The following SMOX variants were observed in gnomAD, a reference collection of about 807,000 sequenced individuals.
SMOX encodes the protein spermine oxidase, also known as flavin containing amine oxidase.
A neutral mutation model predicts 51.0 loss-of-function variants in SMOX; 22 were observed. That is an observed-to-expected ratio of 0.43 (90% confidence interval 0.31 to 0.62). SMOX has a LOEUF of 0.62. Ranked by LOEUF, SMOX falls within the 20% of genes least tolerant of loss-of-function variation. SMOX has a pLI of 0.10. For missense variants in SMOX, 566 were observed against 777.7 expected (o/e 0.73, Z 3.24); for synonymous variants, 282 against 307.8 (o/e 0.92, Z 0.88).
In SMOX at chr20:4,182,835, G is replaced by C. The variant is rs760026798; in HGVS notation, c.1356G>C (p.Leu452=). The C allele has an allele frequency of 1.3e-5, 21 of 1,606,476 alleles. No homozygotes were observed. Among genetic ancestry groups the C allele is most frequent in the Non-Finnish European group, 1.8e-5 (21 of 1,179,778 alleles). ...EAVAEICTEM[L]RQFTGNPNIP... ...TGGCCGAGATCTGCACGGAGATGCT[G>C]CGTCAGTTCACAGGTGCGCCACGTG... is the stretch of plus-strand genomic sequence containing the variant. The change falls in exon 5 of 7, where the codon CTG becomes CTC. Residue 452 remains leucine (L), a synonymous_variant. Transcript: ENST00000305958. This position sits in a 1 kb window ranked among gnomAD's most constrained non-coding sequence, Gnocchi z 8.4.
At position 4,183,246 on chromosome 20, in the gene SMOX, C is replaced by T. The variant is rs1600827172; in HGVS notation, c.1370-248C>T. 1.7e-6 allele frequency: 1 copy of T among 595,668 alleles called. No homozygotes were observed. Among genetic ancestry groups the T allele is most frequent in the South Asian group, 2.0e-5 (1 of 50,146 alleles). The allele number at this position is 595,668 out of a possible 1,614,324, so 36.9% of individuals were successfully genotyped here. On this transcript the variant is annotated intron_variant, in intron 5 of 6. Transcript: ENST00000305958. This position sits in a 1 kb window ranked among gnomAD's most constrained non-coding sequence, Gnocchi z 4.3. ...TAGGCGGGGAAACATGATTATGTGT[C>T]ATGTGTTTTCAGATAGATAGGAAAA...
intron 3 of SMOX, among the ~76,000 whole-genome samples, chr20:4,178,739 G>A (rs918716152): frequency 1.6e-4 from 24 of 148,654 alleles, no homozygotes; most frequent in Non-Finnish European, 2.5e-4. Flanking sequence ...GCTAGAGTAC[G>A]ATGGCACGAT....
At chr20:4,161,754 C>T (rs192075257) in intron 1 of SMOX, among the ~76,000 whole-genome samples, 4 of 152,346 alleles carry the variant, frequency 2.6e-5, no homozygotes, top group South Asian at 2.1e-4. Context: ...TAAGGGGAGG[C>T]GTCTGGGTGT....
At position 4,187,249 on chromosome 20, in the gene SMOX, C is replaced by G. The variant is rs760755941; in HGVS notation, c.1531-21C>G. 8 of 1,604,464 alleles carry G rather than the reference C, an allele frequency of 5.0e-6. No homozygotes were observed. The highest frequency in any genetic ancestry group is 6.8e-6 in the Non-Finnish European group (8 of 1,174,128). On this transcript the variant is annotated intron_variant, in intron 6 of 6. Coordinates refer to ENST00000305958, the MANE Select transcript of SMOX (RefSeq NM_175839.3). The surrounding 1 kb of genome is among the most constrained non-coding windows in gnomAD (Gnocchi z 4.8). ...GCCTTTGCTGCTCCTCCACCCTGACCTCCCCATCCCCGCCCCGCAGCCCAT... is the reference window on the plus strand; with the variant it reads ...GCCTTTGCTGCTCCTCCACCCTGACGTCCCCATCCCCGCCCCGCAGCCCAT...
chr20:4,168,912 T>G (rs189092253), intron 1 of SMOX, among the ~76,000 whole-genome samples: 6 of 130,832 alleles, frequency 4.6e-5, no homozygotes, highest in African/African-American at 2.0e-4. Context: ...TTTATTTTAT[T>G]TTATTTTATT....
At position 4,183,586 on chromosome 20, in the gene SMOX, G is replaced by A. The variant is rs1188148140; in HGVS notation, c.1462G>A (p.Gly488Ser). The A allele has an allele frequency of 6.2e-7, 1 of 1,612,528 alleles. No homozygotes were observed. Among genetic ancestry groups the A allele is most frequent in the Non-Finnish European group, 8.5e-7 (1 of 1,179,078 alleles). ...CGGCTCCTATTCATACACGCAGGTG[G>A]GCTCCAGCGGGGCGGATGTGGAGAA... ...FRGSYSYTQV[G>S]SSGADVEKLA... is the part of the protein sequence containing the mutation. The change falls in exon 6 of 7, where the codon GGC (glycine) becomes AGC (serine). Residue 488 changes from glycine (G) to serine (S), a missense_variant. Transcript: ENST00000305958. The surrounding 1 kb of genome is among the most constrained non-coding windows in gnomAD (Gnocchi z 4.3).
In SMOX at chr20:4,177,544, C is replaced by T. The variant is rs199731020; in HGVS notation, c.402C>T (p.Asp134=). The change falls in exon 3 of 7, where the codon GAC becomes GAT. Residue 134 remains aspartate (D), a synonymous_variant. Coordinates refer to ENST00000305958, the MANE Select transcript of SMOX (RefSeq NM_175839.3). This position sits in a 1 kb window ranked among gnomAD's most constrained non-coding sequence, Gnocchi z 4.3. ...LTNHGRRIPK[D]VVEEFSDLYN... is the part of the protein sequence containing the mutation. Reference sequence around the variant, plus strand: ...ACCACGGCCGCAGGATCCCCAAGGACGTGGTTGAGGAATTCAGCGATTTAT... The same window carrying T: ...ACCACGGCCGCAGGATCCCCAAGGATGTGGTTGAGGAATTCAGCGATTTAT... 78 of 1,595,030 alleles carry T rather than the reference C, an allele frequency of 4.9e-5. No homozygotes were observed. Among genetic ancestry groups the T allele is most frequent in the South Asian group, 4.5e-4 (40 of 87,920 alleles).
intron 1 of SMOX, among the ~76,000 whole-genome samples, chr20:4,158,460 G>A (rs1986144142): frequency 6.6e-6 from 1 of 152,180 alleles, no homozygotes; most frequent in Non-Finnish European, 1.5e-5. Context: ...TGGCCTAGCT[G>A]GGGGCATTGC....
chr20:4,173,225 T>A lies in SMOX; in HGVS notation c.-26-1805T>A, dbSNP rs377319364. Among the ~76,000 whole-genome samples, 12 of 152,318 alleles carry A rather than the reference T, an allele frequency of 7.9e-5. No individual in the cohort carries two copies. In the South Asian group the frequency reaches 2.1e-3, roughly 26 times the overall value. On this transcript the variant is annotated intron_variant, in intron 1 of 6. Transcript: ENST00000305958. ...CCCCAGAAAGGCCCCTCCTGCCCCC[T>A]TCAGTCATCTCCCTGCCTTCTAACC...
intron 1 of SMOX, among the ~76,000 whole-genome samples, chr20:4,161,070 G>A (rs1430805910): frequency 6.6e-6 from 1 of 152,232 alleles, no homozygotes; most frequent in Non-Finnish European, 1.5e-5. Flanking sequence ...TCAGCGGAAA[G>A]TGCTGACTGA....
intron 1 of SMOX, among the ~76,000 whole-genome samples, chr20:4,159,204 T>C (rs1472558594): frequency 6.6e-6 from 1 of 152,032 alleles, no homozygotes; most frequent in East Asian, 1.9e-4. Flanking sequence ...CTCTGCCCCC[T>C]GGGTTCAAGC....
intron 3 of SMOX, among the ~76,000 whole-genome samples, chr20:4,180,312 T>C (rs1433498719): frequency 6.6e-6 from 1 of 152,206 alleles, no homozygotes; most frequent in Non-Finnish European, 1.5e-5. Flanking sequence ...ATGGTGGTGG[T>C]GGCGGGTGGT....
chr20:4,184,111 C>T (rs1979560894), intron 6 of SMOX, among the ~76,000 whole-genome samples: 1 of 151,644 alleles, frequency 6.6e-6, no homozygotes, highest in African/African-American at 2.4e-5. Flanking sequence ...TCCCAACTAG[C>T]TGGGACCACA....
At position 4,182,967 on chromosome 20, in the gene SMOX, C is replaced by A; in HGVS notation, c.1369+119C>A. ...ACCGTGAAGCTCGGATGCTGTGCCC[C>A]ACGGGAGAGCCACTGCAGGGTGCCA... On this transcript the variant is annotated intron_variant, in intron 5 of 6. Transcript: ENST00000305958. This position sits in a 1 kb window ranked among gnomAD's most constrained non-coding sequence, Gnocchi z 8.4. 7.2e-7 allele frequency: 1 copy of A among 1,384,096 alleles called. No individual in the cohort carries two copies. The highest frequency in any genetic ancestry group is 9.6e-7 in the Non-Finnish European group (1 of 1,042,566). The allele number at this position is 1,384,096 out of a possible 1,614,324, so 85.7% of individuals were successfully genotyped here. A position where few individuals can be genotyped will look rare whatever the true frequency, so the allele number is the denominator to read the frequency against.
At chr20:4,165,053 T>G (rs1404042928) in intron 1 of SMOX, among the ~76,000 whole-genome samples, 4 of 137,516 alleles carry the variant, frequency 2.9e-5, no homozygotes, top group African/African-American at 7.9e-5. Context: ...TAAGTTGTTT[T>G]TTTTTTTTTT....
chr20:4,160,209 C>G lies in SMOX; in HGVS notation c.-27+11232C>G, dbSNP rs376730512. Among the ~76,000 whole-genome samples the G allele has an allele frequency of 7.9e-5, 12 of 152,326 alleles. No individual in the cohort carries two copies. In the East Asian group the frequency reaches 2.1e-3, roughly 27 times the overall value. On this transcript the variant is annotated intron_variant, in intron 1 of 6. Transcript: ENST00000305958. The stretch of plus-strand genomic sequence containing the variant: ...CCCACTAAGCGCCCAGGCCAGAAAG[C>G]AGGTAGCTTCCCGGTGGCAGCCCCA...
Position 4,158,112 on chromosome 20 carries a change from G to T in SMOX, c.-27+9135G>T, listed in dbSNP as rs563295363. Among the ~76,000 whole-genome samples the T allele has an allele frequency of 4.6e-5, 7 of 150,572 alleles. 1 individual carries two copies. The South Asian group carries it at 1.3e-3, about 27-fold the overall frequency. On this transcript the variant is annotated intron_variant, in intron 1 of 6. Transcript: ENST00000305958. ...AGATGGTGTTTCACCTTGTTAGCCA[G>T]GATGGTCTCGATCTCCTGACCTCGT...
In SMOX at chr20:4,175,035, TAGA is replaced by T. The variant is rs1978722156; in HGVS notation, c.-18_-16del. The T allele has an allele frequency of 6.2e-7, 1 of 1,613,100 alleles. No individual in the cohort carries two copies. The highest frequency in any genetic ancestry group is 1.1e-5 in the South Asian group (1 of 91,068). ...GACACCTCCTCCCCCTGCAGGTTCC[TAGA>T]AGGTGAGCGCGGACGGTATGCAAAG... On this transcript the variant is annotated 5_prime_UTR_variant, in exon 2 of 7. Coordinates refer to ENST00000305958, the MANE Select transcript of SMOX (RefSeq NM_175839.3).
Position 4,182,918 on chromosome 20 carries a change from C to G in SMOX, c.1369+70C>G. 1 of 1,518,382 alleles carries G rather than the reference C, an allele frequency of 6.6e-7. No homozygotes were observed. The highest frequency in any genetic ancestry group is 8.8e-7 in the Non-Finnish European group (1 of 1,136,554). The allele number at this position is 1,518,382 out of a possible 1,614,324, so 94.1% of individuals were successfully genotyped here. A position where few individuals can be genotyped will look rare whatever the true frequency, so the allele number is the denominator to read the frequency against. On this transcript the variant is annotated intron_variant, in intron 5 of 6. Transcript: ENST00000305958. The surrounding 1 kb of genome is among the most constrained non-coding windows in gnomAD (Gnocchi z 8.4). ...CCTCACCTGCCCTCCTCTGGTGGAC[C>G]CATGGCAGCTCTCTCCTCCCCAGAC...
Sources: allele counts gnomAD v4.1 joint callset (sites outside exome capture counted in the v4.1 genomes callset), GRCh38; gene constraint gnomAD v4.1.1; non-coding constraint Gnocchi (gnomAD v3.1); transcripts MANE v1.5; gene names NCBI Gene and HGNC (gene_info 2026-07-23, HGNC 2026-07-21).